RTTN: variants seen among roughly 807,000 people sequenced by gnomAD.
The protein encoded by RTTN is rotatin.
Under a neutral mutation model 269.2 loss-of-function variants are expected in RTTN, and 182 were observed. The observed-to-expected ratio is 0.68, with a 90% CI of 0.60 to 0.76. The LOEUF (loss-of-function observed/expected upper bound fraction) is 0.76, where lower values mean the gene tolerates loss of function less well. Ranked by LOEUF, RTTN falls within the 30% of genes least tolerant of loss-of-function variation. RTTN has a pLI of 0.00. For missense variants in RTTN, 2,545 were observed against 2,608.6 expected, an observed-to-expected ratio of 0.98 and a Z score of 0.53; for synonymous variants, 1,006 against 963.5, an observed-to-expected ratio of 1.04 and a Z score of -0.82.
chr18:70,197,712 A>G lies in RTTN; in HGVS notation c.605T>C (p.Leu202Ser). Residue 202 changes from leucine (L) to serine (S), a missense_variant, in exon 6 of 49, where the codon TTA (leucine) becomes TCA (serine). By Grantham distance (145) the Leu-to-Ser change is moderately radical. Transcript: ENST00000640769. ...CAATAGTTCACAGGTGTTCCAGATT[A>G]AAGTGTGGTTACTACTTCTTAAAGA... Reference protein sequence around the residue: ...ESSLRSSNHTLIWNTCELLKD... With the variant: ...ESSLRSSNHTSIWNTCELLKD... The G allele has an allele frequency of 6.2e-7, 1 of 1,610,814 alleles. No homozygotes were observed. Among genetic ancestry groups the G allele is most frequent in the South Asian group, 1.1e-5 (1 of 90,986 alleles).
At chr18:70,189,109 A>G (rs570829191) in intron 9 of RTTN, among the ~76,000 whole-genome samples, 1 of 152,256 alleles carries the variant, frequency 6.6e-6, no homozygotes, top group Non-Finnish European at 1.5e-5. Context: ...AATTAAGGAA[A>G]GGTTAAATGC....
intron 48 of RTTN, 58 bp from the exon 49 acceptor site, chr18:70,004,294 TAGG>T: frequency 8.4e-7 from 1 of 1,183,702 alleles, no homozygotes. Context: ...GTACTATACT[TAGG>T]AGGCACACAC....
intron 35 of RTTN, among the ~76,000 whole-genome samples, chr18:70,060,727 C>A (rs2057958404): frequency 6.6e-6 from 1 of 152,100 alleles, no homozygotes; most frequent in Non-Finnish European, 1.5e-5. Context: ...GTATTTTGTA[C>A]CCACTAACCA....
At chr18:70,066,049 G>A (rs2058124922) in intron 34 of RTTN, 127 bp from the exon 35 acceptor site, 3 of 495,038 alleles carry the variant, frequency 6.1e-6, no homozygotes, top group Non-Finnish European at 1.0e-5. Flanking sequence ...AGGATAACTA[G>A]AAAAGATTCC....
intron 41 of RTTN, 83 bp downstream of exon 41, chr18:70,030,793 T>C (rs2056989675): frequency 4.8e-6 from 5 of 1,047,628 alleles, no homozygotes; most frequent in Non-Finnish European, 7.0e-6. Flanking sequence ...ACATTTTGAG[T>C]CCAAAGAAAA....
intron 30 of RTTN, 82 bp from the exon 31 acceptor site, chr18:70,088,229 ATC>A: frequency 7.8e-7 from 1 of 1,278,770 alleles, no homozygotes; most frequent in Admixed American, 2.4e-5. Flanking sequence ...GTACATAAAT[ATC>A]ACACTTTAAA....
intron 46 of RTTN, among the ~76,000 whole-genome samples, chr18:70,009,761 C>T (rs1224837249): frequency 6.6e-6 from 1 of 152,008 alleles, no homozygotes; most frequent in Non-Finnish European, 1.5e-5. Context: ...GGGCTAAATG[C>T]CACAATTAAA....
intron 26 of RTTN, among the ~76,000 whole-genome samples, chr18:70,118,652 T>C (rs758074063): frequency 3.3e-5 from 5 of 152,102 alleles, no homozygotes; most frequent in Non-Finnish European, 7.4e-5. Context: ...TACAGGCTAA[T>C]ATCCCTGATA....
chr18:70,033,706 C>T (rs924817698), intron 40 of RTTN, among the ~76,000 whole-genome samples: 3 of 151,500 alleles, frequency 2.0e-5, no homozygotes, highest in African/African-American at 4.9e-5. Flanking sequence ...TAGTAGAACA[C>T]AAGAAATAAT....
In RTTN at chr18:70,003,994, G is replaced by GA; in HGVS notation, c.*156_*157insT. 1.8e-6 allele frequency: 1 copy of GA among 549,932 alleles called. No homozygotes were observed. The highest frequency in any genetic ancestry group is 3.2e-6 in the Non-Finnish European group (1 of 309,086). The allele number at this position is 549,932 out of a possible 1,614,324, so 34.1% of individuals were successfully genotyped here. Reference sequence around the variant, plus strand: ...AGAGCTGCCACAACTGGACGGTGTTGGAGTATCACCAGTTCTCTCTCTCAT... The same window carrying GA: ...AGAGCTGCCACAACTGGACGGTGTTGAGAGTATCACCAGTTCTCTCTCTCAT... On this transcript the variant is annotated 3_prime_UTR_variant, in exon 49 of 49. Transcript: ENST00000640769.
intron 35 of RTTN, 133 bp from the exon 36 acceptor site, chr18:70,060,175 T>A: frequency 1.2e-6 from 1 of 819,296 alleles, no homozygotes; most frequent in Non-Finnish European, 1.8e-6. Flanking sequence ...GCTTCTTGGC[T>A]CATCTTAACC....
intron 10 of RTTN, among the ~76,000 whole-genome samples, chr18:70,178,590 T>C (rs200794205): frequency 3.1e-5 from 4 of 129,222 alleles, no homozygotes; most frequent in Non-Finnish European, 7.3e-5. Flanking sequence ...AACTATACTA[T>C]AAAAAGTTTA....
chr18:70,072,662 C>T lies in RTTN; in HGVS notation c.4653+1244G>A, dbSNP rs183289313. On this transcript the variant is annotated intron_variant, in intron 34 of 48. Transcript: ENST00000640769. ...GCAATTATTATTTACTGAGTACCTA[C>T]TAAAAGCAAAAAAACTGAAATATGT... Among the ~76,000 whole-genome samples, 13 of 152,196 alleles carry T rather than the reference C, an allele frequency of 8.5e-5. No homozygotes were observed. In the East Asian group the frequency reaches 1.5e-3, roughly 18 times the overall value.
At chr18:70,109,437 G>T in intron 28 of RTTN, 61 bp downstream of exon 28, 1 of 1,231,442 alleles carries the variant, frequency 8.1e-7, no homozygotes, top group Non-Finnish European at 1.2e-6. Flanking sequence ...ATGCACTTGT[G>T]GCCTGGCATA....
intron 30 of RTTN, among the ~76,000 whole-genome samples, chr18:70,088,886 C>G (rs1224679285): frequency 6.6e-6 from 1 of 152,038 alleles, no homozygotes; most frequent in East Asian, 1.9e-4. Context: ...AGTAAACTGG[C>G]TAAAACTGGA....
rs1057523916 is a variant in RTTN, at chr18:70,030,866, T to C, written c.5647+10A>G. 30 of 1,598,248 alleles carry C rather than the reference T, an allele frequency of 1.9e-5. No homozygotes were observed. The highest frequency in any genetic ancestry group is 2.2e-5 in the Non-Finnish European group (26 of 1,169,002). On this transcript the variant is annotated intron_variant, in intron 41 of 48. Coordinates refer to ENST00000640769, the MANE Select transcript of RTTN (RefSeq NM_173630.4). ...TGCCATCAAAACAGCTGATGTGTCA[T>C]GTGGCTCACCTTTCAAAGCATGTTT...
intron 46 of RTTN, among the ~76,000 whole-genome samples, chr18:70,013,393 ATGTGTGTGTGTGTGTGTGTC>A (rs1415408025): frequency 2.7e-5 from 4 of 147,290 alleles, no homozygotes; most frequent in Non-Finnish European, 4.5e-5. Context: ...ATATATACAT[ATGTGTGTGTGTGTGTGTGTC>A]TGTGTGTGTG....
chr18:70,187,365 A>G (rs185300021), intron 10 of RTTN, among the ~76,000 whole-genome samples: 1 of 152,288 alleles, frequency 6.6e-6, no homozygotes, highest in East Asian at 1.9e-4. Context: ...AGTTGCTTAC[A>G]TTTGCAAAAA....
intron 32 of RTTN, among the ~76,000 whole-genome samples, chr18:70,076,903 C>T (rs1292919592): frequency 3.9e-5 from 1 of 25,564 alleles, no homozygotes; most frequent in Non-Finnish European, 2.4e-4. Context: ...AGTATTCACC[C>T]AAAATCACAG....
Sources: allele counts gnomAD v4.1 joint callset (sites outside exome capture counted in the v4.1 genomes callset), GRCh38; gene constraint gnomAD v4.1.1; transcripts MANE v1.5; gene names NCBI Gene and HGNC (gene_info 2026-07-23, HGNC 2026-07-21).